The following EIF3A variants were observed in gnomAD, a reference collection of about 807,000 sequenced individuals.
The protein encoded by EIF3A is eukaryotic translation initiation factor 3 subunit A.
A neutral mutation model predicts 186.6 loss-of-function variants in EIF3A; 21 were observed. The ratio of observed to expected loss-of-function variants is 0.11; its 90% CI spans 0.08 to 0.16. The LOEUF is 0.16. Among genes scored for constraint, EIF3A ranks in the 10% least tolerant of loss-of-function variants. The pLI is 1.00. For synonymous variants in EIF3A, 563 were observed against 584.3 expected (o/e 0.96, Z 0.52); for missense variants, 1,306 against 1,796.3 (o/e 0.73, Z 4.93).
In EIF3A at chr10:119,072,898, G is replaced by A; in HGVS notation, c.533C>T (p.Ala178Val). ...SRVERLYHDI[A>V]QQAFKFCLQY... ...TGATCTTCTCATCTTACCTTGCTGG[G>A]CAATATCATGGTACAGGCGCTCTAC... is the stretch of plus-strand genomic sequence containing the variant. The change falls in exon 4 of 22, where the codon GCC becomes GTC. Residue 178 changes from alanine to valine, a missense_variant. Physicochemically the swap from Ala to Val is moderately conservative, Grantham distance 64. This residue lies in a region of EIF3A where 130 missense variants were observed against 259.3 expected (regional missense o/e 0.50). Coordinates refer to ENST00000369144, the MANE Select transcript of EIF3A (RefSeq NM_003750.4). 1.2e-6 allele frequency: 2 copies of A among 1,608,718 alleles called. No individual in the cohort carries two copies. The highest frequency in any genetic ancestry group is 1.7e-6 in the Non-Finnish European group (2 of 1,178,514).
At chr10:119,060,284 A>T (rs1180154500) in intron 9 of EIF3A, 3 of 412,054 alleles carry the variant, frequency 7.3e-6, no homozygotes, top group Non-Finnish European at 9.2e-6. Flanking sequence ...GGGTCTATTA[A>T]TCCAGGCTTC....
At chr10:119,080,503 G>A in intron 1 of EIF3A, 125 bp downstream of exon 1, 3 of 1,402,850 alleles carry the variant, frequency 2.1e-6, no homozygotes, top group Non-Finnish European at 1.8e-6. Flanking sequence ...ACAGCGGCGG[G>A]CAGGCCGCAT....
intron 19 of EIF3A, among the ~76,000 whole-genome samples, chr10:119,041,512 C>T (rs1463603370): frequency 6.6e-6 from 1 of 152,158 alleles, no homozygotes; most frequent in Non-Finnish European, 1.5e-5. Context: ...GTCAAGGTTG[C>T]AGTGAGCCAT....
intron 20 of EIF3A, 187 bp downstream of exon 20, chr10:119,038,051 G>A: frequency 1.8e-6 from 1 of 552,888 alleles, no homozygotes; most frequent in Non-Finnish European, 3.2e-6. Context: ...TGAGTAGCTG[G>A]GATTACAGGC....
rs752296820 is a variant in EIF3A at position 119,058,004 on chromosome 10, G to T, written c.1929C>A (p.Ile643=). The change falls in exon 12 of 22, where the codon ATC becomes ATA. Residue 643 remains isoleucine (I), a synonymous_variant. Coordinates refer to ENST00000369144, the MANE Select transcript of EIF3A (RefSeq NM_003750.4). ...CTTTGGCACCCAGTTCTGTTTTCTT[G>T]ATCTGCTCCAAACGCTCTCGGACAG... ...KKTVRERLEQ[I]KKTELGAKAF... is the part of the protein sequence containing the mutation. The T allele has an allele frequency of 1.2e-6, 2 of 1,613,968 alleles. No homozygotes were observed. The highest frequency in any genetic ancestry group is 1.1e-5 in the South Asian group (1 of 91,052).
At chr10:119,040,608 C>A (rs1312576996) in intron 19 of EIF3A, among the ~76,000 whole-genome samples, 1 of 152,150 alleles carries the variant, frequency 6.6e-6, no homozygotes, top group Non-Finnish European at 1.5e-5. Flanking sequence ...CAGTGGCTCA[C>A]GCCTGTAATC....
intron 17 of EIF3A, among the ~76,000 whole-genome samples, 178 bp from the exon 18 acceptor site, chr10:119,044,320 G>A (rs1431915616): frequency 6.6e-6 from 1 of 151,954 alleles, no homozygotes; most frequent in African/African-American, 2.4e-5. Flanking sequence ...AGGGAAACTG[G>A]TAGTCTCATA....
At chr10:119,037,778 T>C (rs1338517259) in intron 20 of EIF3A, among the ~76,000 whole-genome samples, 1 of 152,136 alleles carries the variant, frequency 6.6e-6, no homozygotes. Context: ...GAAAACTGAC[T>C]GCCCTAAACC....
intron 1 of EIF3A, among the ~76,000 whole-genome samples, chr10:119,077,848 C>T (rs924314166): frequency 6.6e-6 from 1 of 152,120 alleles, no homozygotes; most frequent in African/African-American, 2.4e-5. Context: ...CCACCACGCC[C>T]GGCCTCCTCT....
intron 14 of EIF3A, among the ~76,000 whole-genome samples, chr10:119,052,556 T>G (rs1017550058): frequency 6.6e-6 from 1 of 152,022 alleles, no homozygotes; most frequent in African/African-American, 2.4e-5. Context: ...CCTGTTTTTT[T>G]GTAGAGACAG....
At chr10:119,080,202 T>C (rs1359432140) in intron 1 of EIF3A, among the ~76,000 whole-genome samples, 1 of 152,120 alleles carries the variant, frequency 6.6e-6, no homozygotes, top group African/African-American at 2.4e-5. Flanking sequence ...TCGCGTGCAT[T>C]GTCCCCGGGA....
At chr10:119,059,743 A>G (rs1456044320) in intron 9 of EIF3A, 25 bp from the exon 10 acceptor site, 1 of 1,438,228 alleles carries the variant, frequency 7.0e-7, no homozygotes, top group East Asian at 2.3e-5. Context: ...AAGGGTTAAT[A>G]ACACTAGCCA....
chr10:119,065,711 T>C (rs1192478950), intron 6 of EIF3A, 141 bp from the exon 7 acceptor site: 6 of 601,948 alleles, frequency 1.0e-5, no homozygotes, highest in Middle Eastern at 4.4e-4. Flanking sequence ...TCATAAATAT[T>C]ATTCCATCAA....
intron 17 of EIF3A, among the ~76,000 whole-genome samples, chr10:119,045,351 C>A (rs897652069): frequency 7.2e-5 from 11 of 152,098 alleles, no homozygotes; most frequent in Non-Finnish European, 1.6e-4. Flanking sequence ...AAATTCGTCC[C>A]GGGTCATCAC....
intron 7 of EIF3A, among the ~76,000 whole-genome samples, chr10:119,063,051 G>A (rs1404675987): frequency 6.6e-6 from 1 of 152,068 alleles, no homozygotes; most frequent in Non-Finnish European, 1.5e-5. Context: ...ACCGCGCCTA[G>A]CCAAGATCAC....
chr10:119,074,592 G>A (rs1228976690), intron 1 of EIF3A, among the ~76,000 whole-genome samples: 1 of 151,746 alleles, frequency 6.6e-6, no homozygotes, highest in Non-Finnish European at 1.5e-5. Flanking sequence ...CAACACTCTG[G>A]AAATCTCAAA....
chr10:119,040,666 T>A (rs562052719), intron 19 of EIF3A, among the ~76,000 whole-genome samples: 1 of 151,280 alleles, frequency 6.6e-6, no homozygotes, highest in Non-Finnish European at 1.5e-5. Context: ...AGGTCAGGAG[T>A]TCGAGAGCAG....
intron 6 of EIF3A, among the ~76,000 whole-genome samples, chr10:119,067,415 C>T (rs932457011): frequency 6.6e-6 from 1 of 151,998 alleles, no homozygotes; most frequent in South Asian, 2.1e-4. Flanking sequence ...CATAACGAGA[C>T]CCTGCCTCCA....
At chr10:119,037,078 CG>C in intron 21 of EIF3A, 40 bp downstream of exon 21, 1 of 366,220 alleles carries the variant, frequency 2.7e-6, no homozygotes, top group Non-Finnish European at 5.1e-6. Context: ...CCCCCAGAAA[CG>C]ACAGTTCTCC....
Sources: allele counts gnomAD v4.1 joint callset (sites outside exome capture counted in the v4.1 genomes callset), GRCh38; gene constraint gnomAD v4.1.1; regional missense constraint gnomAD v4.1.1; transcripts MANE v1.5; gene names NCBI Gene and HGNC (gene_info 2026-07-23, HGNC 2026-07-21).